The following ANKDD1B variants were observed in gnomAD, a reference collection of about 807,000 sequenced individuals.
ANKDD1B encodes the protein ankyrin repeat and death domain containing 1B.
ANKDD1B carries 57 observed loss-of-function variants against 59.7 expected under a neutral mutation model. The ratio of observed to expected loss-of-function variants is 0.95; its 90% confidence interval spans 0.77 to 1.19. ANKDD1B has a LOEUF of 1.19. ANKDD1B is among the 50% of genes most tolerant of loss of function. The pLI, the probability that ANKDD1B is intolerant of heterozygous loss-of-function variation, is 0.00. For missense variants in ANKDD1B, 602 were observed against 641.9 expected, an observed-to-expected ratio of 0.94 and a Z score of 0.67; for synonymous variants, 216 against 239.5, an observed-to-expected ratio of 0.90 and a Z score of 0.91.
At chr5:75,650,014 G>A (rs916904669) in intron 7 of ANKDD1B, among the ~76,000 whole-genome samples, 11 of 152,170 alleles carry the variant, frequency 7.2e-5, no homozygotes, top group Admixed American at 3.3e-4. Context: ...TAAAATAATA[G>A]TTACGGTTAC....
chr5:75,614,838 G>T (rs1773672375), intron 1 of ANKDD1B, among the ~76,000 whole-genome samples: 1 of 152,178 alleles, frequency 6.6e-6, no homozygotes, highest in Non-Finnish European at 1.5e-5. Flanking sequence ...AGCTGTTCAG[G>T]TACAGAAACA....
rs1216105404 is a variant in ANKDD1B, at chr5:75,635,865, A to G, written c.781A>G (p.Ile261Val). 2.0e-6 allele frequency: 3 copies of G among 1,531,620 alleles called. No homozygotes were observed. The African/African-American group carries it at 4.1e-5, about 21-fold the overall frequency. 94.9% of individuals were successfully genotyped at this position (1,531,620 alleles called of 1,614,324 possible). A position where few individuals can be genotyped will look rare whatever the true frequency, so the allele number is the denominator to read the frequency against. The change falls in exon 7 of 14, where the codon ATA (isoleucine) becomes GTA (valine). Residue 261 changes from isoleucine to valine, a missense_variant. This residue lies in a region of ANKDD1B where 5 missense variants were observed against 17.5 expected (regional missense o/e 0.29). Coordinates refer to ENST00000601380, the MANE Select transcript of ANKDD1B (RefSeq NM_001276713.2). ...GGTGCTGCTAGCCCAGTGGCAAGAC[A>G]TAAATGAGATGAATGAGGTATGTGG... ...VQVLLAQWQDINEMNELNISS... is the reference protein window; with the variant it reads ...VQVLLAQWQDVNEMNELNISS...
chr5:75,653,869 G>A (rs1774893169), intron 8 of ANKDD1B, among the ~76,000 whole-genome samples: 1 of 152,330 alleles, frequency 6.6e-6, no homozygotes, highest in Non-Finnish European at 1.5e-5. Context: ...AGTTTTTGGA[G>A]CATGGTGTTG....
chr5:75,633,261 T>A (rs982400563), intron 5 of ANKDD1B, among the ~76,000 whole-genome samples: 1 of 152,192 alleles, frequency 6.6e-6, no homozygotes, highest in Non-Finnish European at 1.5e-5. Context: ...GGGATGTAGA[T>A]CTCATTGGTG....
At chr5:75,617,448 G>C (rs566646784) in intron 2 of ANKDD1B, among the ~76,000 whole-genome samples, 1 of 152,106 alleles carries the variant, frequency 6.6e-6, no homozygotes, top group Admixed American at 6.6e-5. Context: ...TTTAAGTGCC[G>C]GGTTTTAGCG....
At chr5:75,660,126 C>T (rs1056157303) in intron 10 of ANKDD1B, among the ~76,000 whole-genome samples, 1 of 152,214 alleles carries the variant, frequency 6.6e-6, no homozygotes, top group African/African-American at 2.4e-5. Context: ...CACATAAACA[C>T]TGTCTTAACC....
chr5:75,648,008 A>C lies in ANKDD1B; in HGVS notation c.799-5134A>C, dbSNP rs951801561. ...TCAGTAAACTATCACAAGAACAAAA[A>C]ACCAAACACCGCATATTCTCACTCA... is the stretch of plus-strand genomic sequence containing the variant. On this transcript the variant is annotated intron_variant, in intron 7 of 13. Transcript: ENST00000601380. Among the ~76,000 whole-genome samples, 11 of 122,326 alleles carry C rather than the reference A, an allele frequency of 9.0e-5. 1 individual carries two copies. The highest frequency in any genetic ancestry group is 1.6e-4 in the Non-Finnish European group (10 of 64,048). The allele number at this position is 122,326 out of a possible 152,430, so 80.3% of individuals were successfully genotyped here.
chr5:75,634,804 C>T (rs1774255038), intron 5 of ANKDD1B, 94 bp from the exon 6 acceptor site: 2 of 774,484 alleles, frequency 2.6e-6, no homozygotes, highest in Non-Finnish European at 4.2e-6. Flanking sequence ...ATCTTGGACT[C>T]CCCATCATCC....
chr5:75,634,713 C>T (rs1027861784), intron 5 of ANKDD1B, 185 bp from the exon 6 acceptor site: 5 of 530,418 alleles, frequency 9.4e-6, no homozygotes, highest in Non-Finnish European at 1.7e-5. Flanking sequence ...TGTGGAGTCT[C>T]CCACAGTTTT....
rs1418791163 is a variant in ANKDD1B at position 75,611,483 on chromosome 5, G to A, written c.-152G>A. 5 of 497,080 alleles carry A rather than the reference G, an allele frequency of 1.0e-5. No individual in the cohort carries two copies. In the South Asian group the frequency reaches 4.5e-4, roughly 45 times the overall value. The allele number at this position is 497,080 out of a possible 1,614,324, so 30.8% of individuals were successfully genotyped here. On this transcript the variant is annotated 5_prime_UTR_variant, in exon 1 of 14. Coordinates refer to ENST00000601380, the MANE Select transcript of ANKDD1B (RefSeq NM_001276713.2). ...CCAGCGAACCGCCACAACAGAGAGCGGACTCGATCCTGCGCTCCGGCCGGG... is the reference window on the plus strand; with the variant it reads ...CCAGCGAACCGCCACAACAGAGAGCAGACTCGATCCTGCGCTCCGGCCGGG...
chr5:75,637,207 T>C (rs1400234234), intron 7 of ANKDD1B, among the ~76,000 whole-genome samples: 4 of 121,736 alleles, frequency 3.3e-5, no homozygotes, highest in South Asian at 2.8e-4. Flanking sequence ...ATCGTACCAC[T>C]GCACCTGAGC....
At chr5:75,669,043 C>A (rs1375499526) in intron 12 of ANKDD1B, among the ~76,000 whole-genome samples, 2 of 152,158 alleles carry the variant, frequency 1.3e-5, no homozygotes, top group Non-Finnish European at 2.9e-5. Context: ...TGGGTGTGTG[C>A]CAAGCATAGC....
intron 8 of ANKDD1B, among the ~76,000 whole-genome samples, chr5:75,653,471 G>C (rs1206775677): frequency 6.6e-6 from 1 of 152,210 alleles, no homozygotes; most frequent in East Asian, 1.9e-4. Flanking sequence ...TGAAATCTTT[G>C]TGTTTTAAAT....
chr5:75,636,666 G>C (rs917583769), intron 7 of ANKDD1B, among the ~76,000 whole-genome samples: 1 of 152,190 alleles, frequency 6.6e-6, no homozygotes, highest in African/African-American at 2.4e-5. Flanking sequence ...GGGAGGACCA[G>C]TCAGGTGACT....
intron 8 of ANKDD1B, among the ~76,000 whole-genome samples, chr5:75,654,024 T>C (rs150017019): frequency 1.1e-3 from 175 of 152,334 alleles, no homozygotes; most frequent in Middle Eastern, 6.8e-3. Flanking sequence ...TCGTTTTTCA[T>C]GCTTAGTGCT....
At chr5:75,648,451 A>G (rs1380872462) in intron 7 of ANKDD1B, among the ~76,000 whole-genome samples, 1 of 151,764 alleles carries the variant, frequency 6.6e-6, no homozygotes, top group Admixed American at 6.6e-5. Context: ...ATTATTTTGT[A>G]CACTGCCTTA....
At chr5:75,638,825 G>T (rs1354126856) in intron 7 of ANKDD1B, among the ~76,000 whole-genome samples, 4 of 152,102 alleles carry the variant, frequency 2.6e-5, no homozygotes, top group Non-Finnish European at 4.4e-5. Context: ...TTTACTACCA[G>T]TTTCCTTTTT....
At chr5:75,666,491 C>T (rs960162696) in intron 11 of ANKDD1B, among the ~76,000 whole-genome samples, 3 of 152,132 alleles carry the variant, frequency 2.0e-5, no homozygotes, top group African/African-American at 7.2e-5. Context: ...TGTGACACAT[C>T]CTTTGCCAAG....
At chr5:75,658,249 C>A (rs1363830721) in intron 9 of ANKDD1B, among the ~76,000 whole-genome samples, 6 of 151,806 alleles carry the variant, frequency 4.0e-5, no homozygotes, top group Admixed American at 3.9e-4. Context: ...TGGTAATATC[C>A]CCAGCATATT....
Sources: gnomAD v4.1 joint callset for allele counts (sites outside exome capture counted in the v4.1 genomes callset) on GRCh38, gnomAD v4.1.1 for gene constraint, gnomAD v4.1.1 regional missense constraint, MANE v1.5 for transcripts, NCBI Gene and HGNC (gene_info 2026-07-23, HGNC 2026-07-21) for gene names.